The following KLHL29 variants were observed in gnomAD, a reference collection of about 807,000 sequenced individuals.
The protein encoded by KLHL29 is kelch-like protein 29.
Under a neutral mutation model 80.4 loss-of-function variants are expected in KLHL29, and 21 were observed. That is an observed-to-expected ratio of 0.26 (90% CI 0.19 to 0.38). KLHL29 has a LOEUF of 0.38. Among genes scored for constraint, KLHL29 ranks in the 10% least tolerant of loss-of-function variants. The pLI is 1.00. For synonymous variants in KLHL29, 511 were observed against 526.8 expected, an observed-to-expected ratio of 0.97 and a Z score of 0.41; for missense variants, 867 against 1,223.9, an observed-to-expected ratio of 0.71 and a Z score of 4.35.
At chr2:23,439,385 T>A (rs1270510332) in intron 1 of KLHL29, among the ~76,000 whole-genome samples, 2 of 152,066 alleles carry the variant, frequency 1.3e-5, no homozygotes, top group Non-Finnish European at 2.9e-5. Flanking sequence ...CTTTTCTAGT[T>A]CTTTTAATTG....
At chr2:23,524,371 CCTTTA>C in intron 2 of KLHL29, 3 of 180,934 alleles carry the variant, frequency 1.7e-5, no homozygotes, top group Non-Finnish European at 2.4e-5. Flanking sequence ...CCAGGAAATA[CCTTTA>C]GGTCCTGCCC....
chr2:23,424,477 T>C (rs1471731360), intron 1 of KLHL29, among the ~76,000 whole-genome samples: 1 of 152,176 alleles, frequency 6.6e-6, no homozygotes, highest in African/African-American at 2.4e-5. Context: ...GCTTTGGCTA[T>C]AAAAAGTGAC....
At chr2:23,698,412 T>C (rs770312549) in intron 11 of KLHL29, among the ~76,000 whole-genome samples, 8 of 152,010 alleles carry the variant, frequency 5.3e-5, no homozygotes, top group African/African-American at 1.4e-4. Flanking sequence ...TTCGGGTAGG[T>C]TGCTTTCTGT....
intron 3 of KLHL29, among the ~76,000 whole-genome samples, chr2:23,613,763 CAAA>C (rs1157736706): frequency 1.6e-5 from 1 of 63,726 alleles, no homozygotes; most frequent in South Asian, 5.7e-4. Context: ...GACTCCATCT[CAAA>C]AAAAAAAAAA....
intron 3 of KLHL29, among the ~76,000 whole-genome samples, chr2:23,608,399 C>A (rs201308822): frequency 6.6e-6 from 1 of 151,634 alleles, no homozygotes; most frequent in African/African-American, 2.4e-5. Flanking sequence ...TGTGTTCATC[C>A]TTCTTCCCCT....
rs894828002 is a variant in KLHL29 at position 23,474,894 on chromosome 2, A to G, written c.-153-666A>G. Among the ~76,000 whole-genome samples, 5 of 151,878 alleles carry G rather than the reference A, an allele frequency of 3.3e-5. No homozygotes were observed. In the East Asian group the frequency reaches 9.7e-4, roughly 30 times the overall value. On this transcript the variant is annotated intron_variant, in intron 1 of 13. Transcript: ENST00000486442. ...CGTGCGTTTTGCAGTGGGGGATGCC[A>G]TTTCCCGTTGTGAAGATGGCTTTCT... is the stretch of plus-strand genomic sequence containing the variant.
chr2:23,487,769 C>A (rs1304411668), intron 2 of KLHL29, among the ~76,000 whole-genome samples: 1 of 152,184 alleles, frequency 6.6e-6, no homozygotes, highest in Admixed American at 6.5e-5. Flanking sequence ...TCATGAAGGT[C>A]CCTGTTTTTT....
intron 5 of KLHL29, among the ~76,000 whole-genome samples, chr2:23,649,725 G>T (rs1056647457): frequency 1.3e-5 from 2 of 152,248 alleles, no homozygotes; most frequent in African/African-American, 4.8e-5. Context: ...CTGCCGATGG[G>T]GATGAGAGGG....
At chr2:23,542,777 G>A (rs1299620644) in intron 2 of KLHL29, among the ~76,000 whole-genome samples, 1 of 152,200 alleles carries the variant, frequency 6.6e-6, no homozygotes, top group African/African-American at 2.4e-5. Context: ...AGTTGAACCT[G>A]GAAGATGATC....
At chr2:23,606,139 A>AGTGTGTGTGT (rs752777554) in intron 3 of KLHL29, among the ~76,000 whole-genome samples, 18 of 146,862 alleles carry the variant, frequency 1.2e-4, no homozygotes, top group African/African-American at 4.3e-4. Flanking sequence ...TCCGTGAGCT[A>AGTGTGTGTGT]GTGTGTGTGT....
rs1668396426 is a variant in KLHL29 at position 23,596,479 on chromosome 2, C to T, written c.285+33998C>T. The stretch of plus-strand genomic sequence containing the variant: ...GGAGCAGAACAGAGTCACTAGGAGG[C>T]TCGCTGTGATTTATCAGGGGCCATG... On this transcript the variant is annotated intron_variant, in intron 3 of 13. Transcript: ENST00000486442. This position sits in a 1 kb window ranked among gnomAD's most constrained non-coding sequence, Gnocchi z 4.4. Among the ~76,000 whole-genome samples, 1 of 152,152 alleles carries T rather than the reference C, an allele frequency of 6.6e-6. No individual in the cohort carries two copies. The highest frequency in any genetic ancestry group is 1.5e-5 in the Non-Finnish European group (1 of 68,026).
At chr2:23,664,499 C>T (rs1670501319) in intron 5 of KLHL29, among the ~76,000 whole-genome samples, 1 of 152,216 alleles carries the variant, frequency 6.6e-6, no homozygotes, top group Admixed American at 6.5e-5. Flanking sequence ...CCTGGGGTCT[C>T]AACTCTAGAT....
chr2:23,462,568 T>C (rs931101993), intron 1 of KLHL29, among the ~76,000 whole-genome samples: 1 of 152,204 alleles, frequency 6.6e-6, no homozygotes, highest in African/African-American at 2.4e-5. Context: ...CTGCAAAATA[T>C]AGGGGTTGTT....
At chr2:23,412,047 T>A (rs1333593397) in intron 1 of KLHL29, among the ~76,000 whole-genome samples, 1 of 149,982 alleles carries the variant, frequency 6.7e-6, no homozygotes, top group African/African-American at 2.5e-5. Context: ...TCAGAGGAAG[T>A]GTTGTGGGAA....
intron 2 of KLHL29, among the ~76,000 whole-genome samples, chr2:23,551,700 G>A (rs1456566382): frequency 1.3e-5 from 2 of 152,196 alleles, no homozygotes; most frequent in African/African-American, 4.8e-5. Flanking sequence ...CCGAATCCAG[G>A]CCTGCTAACT....
chr2:23,577,124 G>A (rs1351157311), intron 3 of KLHL29, among the ~76,000 whole-genome samples: 3 of 152,218 alleles, frequency 2.0e-5, no homozygotes, highest in Admixed American at 1.3e-4. Context: ...GTCTTCTTTA[G>A]TTCAGACCTG....
rs1332625172 is a variant in KLHL29, at chr2:23,670,911, GCA to G, written c.941-13486_941-13485del. On this transcript the variant is annotated intron_variant, in intron 5 of 13. Transcript: ENST00000486442. Reference sequence around the variant, plus strand: ...AGAAGGGAGGGGTCTCTACACACATGCACGCGCTCTCTCTCTCTCTCTCTCTC... The same window carrying G: ...AGAAGGGAGGGGTCTCTACACACATGCGCGCTCTCTCTCTCTCTCTCTCTC... Among the ~76,000 whole-genome samples, 11 of 33,090 alleles carry G rather than the reference GCA, an allele frequency of 3.3e-4. 1 individual carries two copies. The East Asian group carries it at 0.03, about 90-fold the overall frequency. 21.7% of individuals were successfully genotyped at this position (33,090 alleles called of 152,430 possible).
intron 1 of KLHL29, among the ~76,000 whole-genome samples, chr2:23,429,071 T>C (rs1440568918): frequency 6.6e-6 from 1 of 152,208 alleles, no homozygotes; most frequent in African/African-American, 2.4e-5. Context: ...TTGGAACTCA[T>C]GGCCAACTCT....
Position 23,680,876 on chromosome 2 carries a change from G to C in KLHL29, c.941-3523G>C, listed in dbSNP as rs1671067045. Among the ~76,000 whole-genome samples, 1 of 152,156 alleles carries C rather than the reference G, an allele frequency of 6.6e-6. No homozygotes were observed. Among genetic ancestry groups the C allele is most frequent in the Non-Finnish European group, 1.5e-5 (1 of 68,026 alleles). On this transcript the variant is annotated intron_variant, in intron 5 of 13. Coordinates refer to ENST00000486442, the MANE Select transcript of KLHL29 (RefSeq NM_052920.2). This position sits in a 1 kb window ranked among gnomAD's most constrained non-coding sequence, Gnocchi z 4.1. ...AGCAGGATAGTGCAGGGTGCCAGGT[G>C]CTTCTGGAAGTCCACTCTGAAGACC... is the stretch of plus-strand genomic sequence containing the variant.
Sources: allele counts gnomAD v4.1 joint callset (sites outside exome capture counted in the v4.1 genomes callset), GRCh38; gene constraint gnomAD v4.1.1; non-coding constraint Gnocchi (gnomAD v3.1); transcripts MANE v1.5; gene names NCBI Gene and HGNC (gene_info 2026-07-23, HGNC 2026-07-21).